The following ARHGAP42 variants were observed in gnomAD, a reference collection of about 807,000 sequenced individuals.
ARHGAP42 encodes rho GTPase-activating protein 42.
Under a neutral mutation model 125.0 loss-of-function variants are expected in ARHGAP42, and 63 were observed. That is an observed-to-expected ratio of 0.50 (90% CI 0.41 to 0.62). The LOEUF (loss-of-function observed/expected upper bound fraction) is 0.62, where lower values mean the gene tolerates loss of function less well. ARHGAP42 is among the 20% of genes least tolerant of loss of function. The pLI is 0.00. For synonymous variants in ARHGAP42, 339 were observed against 351.0 expected (o/e 0.97, Z 0.38); for missense variants, 766 against 1,024.2 (o/e 0.75, Z 3.44).
rs751629132 is a variant in ARHGAP42 at position 100,921,448 on chromosome 11, C to T, written c.487-46C>T. 2.2e-6 allele frequency: 3 copies of T among 1,362,418 alleles called. No homozygotes were observed. In the South Asian group the frequency reaches 4.1e-5, roughly 18 times the overall value. 84.4% of individuals were successfully genotyped at this position (1,362,418 alleles called of 1,614,324 possible). A position where few individuals can be genotyped will look rare whatever the true frequency, so the allele number is the denominator to read the frequency against. ...ATACCAGAGCAGGAATTGAGTCCCT[C>T]TCTATGTAGAACCATCAGTAATCAC... On this transcript the variant is annotated intron_variant, in intron 5 of 23. Coordinates refer to ENST00000298815, the MANE Select transcript of ARHGAP42 (RefSeq NM_152432.4).
chr11:100,768,968 C>T (rs1480636494), intron 1 of ARHGAP42, among the ~76,000 whole-genome samples: 1 of 152,154 alleles, frequency 6.6e-6, no homozygotes, highest in African/African-American at 2.4e-5. Flanking sequence ...AGTATACTTA[C>T]ACAAGCCTAG....
chr11:100,992,583 G>T lies in ARHGAP42; in HGVS notation c.*3782G>T, dbSNP rs1858866369. On this transcript the variant is annotated 3_prime_UTR_variant, in exon 24 of 24. Coordinates refer to ENST00000298815, the MANE Select transcript of ARHGAP42 (RefSeq NM_152432.4). ...TGTAATATCGAGTATTCATCAACTGGTCTCAATTTCCTGAACACATTCACT... is the reference window on the plus strand; with the variant it reads ...TGTAATATCGAGTATTCATCAACTGTTCTCAATTTCCTGAACACATTCACT... 5.0e-6 allele frequency: 8 copies of T among 1,613,902 alleles called. No individual in the cohort carries two copies. Among genetic ancestry groups the T allele is most frequent in the Non-Finnish European group, 6.8e-6 (8 of 1,179,992 alleles).
chr11:100,922,620 A>G (rs1867310767), intron 6 of ARHGAP42, among the ~76,000 whole-genome samples: 1 of 152,242 alleles, frequency 6.6e-6, no homozygotes, highest in East Asian at 1.9e-4. Context: ...ATAAAAAATA[A>G]AATACTCTGT....
chr11:100,879,545 G>T (rs1027476418), intron 4 of ARHGAP42, among the ~76,000 whole-genome samples: 1 of 152,068 alleles, frequency 6.6e-6, no homozygotes, highest in African/African-American at 2.4e-5. Context: ...TGTCACTGTG[G>T]GTTTCTCTTG....
Position 100,976,363 on chromosome 11 carries a change from A to G in ARHGAP42, c.2162A>G (p.Lys721Arg), listed in dbSNP as rs1858391071. Residue 721 changes from lysine (K) to arginine (R), a missense_variant, in exon 20 of 24, where the codon AAG (lysine) becomes AGG (arginine). Transcript: ENST00000298815. ...GDVSPPIDLV[K>R]KEPYGLSGLK... Reference sequence around the variant, plus strand: ...GTTTCCCCACCCATAGACCTAGTCAAGAAAGAGCCTTATGGGCTTTCAGGA... The same window carrying G: ...GTTTCCCCACCCATAGACCTAGTCAGGAAAGAGCCTTATGGGCTTTCAGGA... 6.4e-7 allele frequency: 1 copy of G among 1,551,110 alleles called. No homozygotes were observed. Among genetic ancestry groups the G allele is most frequent in the African/African-American group, 1.4e-5 (1 of 73,026 alleles).
chr11:100,851,173 C>A (rs765784667), intron 3 of ARHGAP42, among the ~76,000 whole-genome samples: 1 of 151,982 alleles, frequency 6.6e-6, no homozygotes, highest in Non-Finnish European at 1.5e-5. Flanking sequence ...TGAGCCACTG[C>A]GCCTGGCCAG....
chr11:100,791,773 G>C (rs1863573928), intron 2 of ARHGAP42, among the ~76,000 whole-genome samples: 1 of 151,880 alleles, frequency 6.6e-6, no homozygotes, highest in African/African-American at 2.4e-5. Flanking sequence ...TTGTTGTGGA[G>C]AACCAGACAT....
At chr11:100,932,142 T>C (rs1565281852) in intron 6 of ARHGAP42, among the ~76,000 whole-genome samples, 1 of 152,190 alleles carries the variant, frequency 6.6e-6, no homozygotes, top group Non-Finnish European at 1.5e-5. Context: ...CCAGTGTTTA[T>C]CTGTTGGAAA....
intron 22 of ARHGAP42, among the ~76,000 whole-genome samples, chr11:100,983,098 G>A (rs1308805067): frequency 6.6e-6 from 1 of 152,032 alleles, no homozygotes; most frequent in Non-Finnish European, 1.5e-5. Flanking sequence ...CCGTGGCAGT[G>A]GTTTCTCAAA....
At chr11:100,714,267 A>T (rs1411419747) in intron 1 of ARHGAP42, among the ~76,000 whole-genome samples, 1 of 152,228 alleles carries the variant, frequency 6.6e-6, no homozygotes, top group African/African-American at 2.4e-5. Context: ...AAATGTTGCA[A>T]TGTGAAAAGG....
intron 1 of ARHGAP42, 128 bp downstream of exon 1, chr11:100,687,960 A>T: frequency 4.6e-6 from 5 of 1,077,460 alleles, no homozygotes; most frequent in Non-Finnish European, 5.1e-6. Context: ...AAAGCTGAAG[A>T]GCTCCCCTGC....
chr11:100,855,340 G>T lies in ARHGAP42; in HGVS notation c.313-4214G>T, dbSNP rs555349896. 2.0e-5 allele frequency among the ~76,000 whole-genome samples: 3 copies of T among 152,128 alleles called. No homozygotes were observed. In the East Asian group the frequency reaches 5.8e-4, roughly 29 times the overall value. On this transcript the variant is annotated intron_variant, in intron 3 of 23. Transcript: ENST00000298815. ...ATTAATTAGTGATGAGCTGTGACTGGCACCAACATCACTGGATTTTAATCA... is the reference window on the plus strand; with the variant it reads ...ATTAATTAGTGATGAGCTGTGACTGTCACCAACATCACTGGATTTTAATCA...
At chr11:100,877,559 T>G (rs1865849788) in intron 4 of ARHGAP42, among the ~76,000 whole-genome samples, 1 of 152,214 alleles carries the variant, frequency 6.6e-6, no homozygotes, top group Non-Finnish European at 1.5e-5. Context: ...TACCTCAGAT[T>G]TGTCTGTATC....
chr11:100,866,932 A>G (rs1205631662), intron 4 of ARHGAP42, among the ~76,000 whole-genome samples: 1 of 152,204 alleles, frequency 6.6e-6, no homozygotes, highest in East Asian at 1.9e-4. Flanking sequence ...GGCATGAGAG[A>G]ACATTAATCT....
At chr11:100,968,836 A>C (rs1306818180) in intron 17 of ARHGAP42, among the ~76,000 whole-genome samples, 1 of 152,184 alleles carries the variant, frequency 6.6e-6, no homozygotes, top group African/African-American at 2.4e-5. Flanking sequence ...TAATACATAC[A>C]TATTATTAAA....
intron 10 of ARHGAP42, among the ~76,000 whole-genome samples, chr11:100,945,288 C>T (rs1268199862): frequency 1.3e-5 from 2 of 151,842 alleles, no homozygotes; most frequent in African/African-American, 2.4e-5. Flanking sequence ...TAACTTCCTC[C>T]ACTGAAGTCT....
At chr11:100,892,007 A>G (rs573655947) in intron 4 of ARHGAP42, among the ~76,000 whole-genome samples, 1 of 152,136 alleles carries the variant, frequency 6.6e-6, no homozygotes, top group Non-Finnish European at 1.5e-5. Context: ...TGTGAGAAGA[A>G]CTTCAAGCAC....
chr11:100,741,330 C>T lies in ARHGAP42; in HGVS notation c.155-29013C>T, dbSNP rs533251816. The stretch of plus-strand genomic sequence containing the variant: ...ACAGGCGTGAGCCACCGCCCCTGGC[C>T]GAAGAAATCTTATTCTTATAGTTAG... On this transcript the variant is annotated intron_variant, in intron 1 of 23. Coordinates refer to ENST00000298815, the MANE Select transcript of ARHGAP42 (RefSeq NM_152432.4). 5.9e-5 allele frequency among the ~76,000 whole-genome samples: 9 copies of T among 152,102 alleles called. No individual in the cohort carries two copies. In the East Asian group the frequency reaches 1.4e-3, roughly 23 times the overall value.
intron 3 of ARHGAP42, among the ~76,000 whole-genome samples, chr11:100,796,229 G>A (rs80147826): frequency 1.3e-3 from 202 of 152,144 alleles, no homozygotes; most frequent in African/African-American, 4.5e-3. Flanking sequence ...CCTGTGATGC[G>A]TGAATGTTAG....
Sources: allele counts gnomAD v4.1 joint callset (sites outside exome capture counted in the v4.1 genomes callset), GRCh38; gene constraint gnomAD v4.1.1; transcripts MANE v1.5; gene names NCBI Gene and HGNC (gene_info 2026-07-23, HGNC 2026-07-21).